Variants in ULK4 observed in about 807,000 individuals in gnomAD.
ULK4 encodes the protein inactive serine/threonine-protein kinase ULK4.
In ULK4, 133 loss-of-function variants were observed where a neutral mutation model predicts 160.6. That is an observed-to-expected ratio of 0.83 (90% CI 0.72 to 0.96). The LOEUF (loss-of-function observed/expected upper bound fraction) is 0.96. ULK4 is among the 40% of genes least tolerant of loss of function. The pLI is 0.00. For synonymous variants in ULK4, 534 were observed against 539.8 expected, an observed-to-expected ratio of 0.99 and a Z score of 0.15; for missense variants, 1,580 against 1,499.5, an observed-to-expected ratio of 1.05 and a Z score of -0.89.
chr3:41,586,003 A>C (rs551450944), intron 31 of ULK4, among the ~76,000 whole-genome samples: 153 of 152,300 alleles, frequency 1.0e-3, no homozygotes, highest in Non-Finnish European at 1.9e-3. Context: ...AAAAAACACA[A>C]ATGGTGAGGA....
chr3:41,570,244 T>G (rs1228528222), intron 31 of ULK4, among the ~76,000 whole-genome samples: 1 of 152,222 alleles, frequency 6.6e-6, no homozygotes, highest in Non-Finnish European at 1.5e-5. Context: ...TTCCAAATAC[T>G]GATGTCTAAA....
At chr3:41,870,603 T>C (rs2125692564) in intron 17 of ULK4, among the ~76,000 whole-genome samples, 1 of 152,360 alleles carries the variant, frequency 6.6e-6, no homozygotes, top group East Asian at 1.9e-4. Context: ...TTTCCCATAA[T>C]GGTAACATCT....
intron 17 of ULK4, among the ~76,000 whole-genome samples, chr3:41,865,365 A>C (rs1046779189): frequency 6.7e-6 from 1 of 148,540 alleles, no homozygotes; most frequent in Non-Finnish European, 1.5e-5. Flanking sequence ...CAATCACCCC[A>C]ATCTGGCTCC....
chr3:41,437,243 A>G (rs939573355), intron 34 of ULK4, among the ~76,000 whole-genome samples: 1 of 152,196 alleles, frequency 6.6e-6, no homozygotes, highest in African/African-American at 2.4e-5. Flanking sequence ...TCTTACTATA[A>G]TGGCCCTTGG....
chr3:41,717,712 TGA>T lies in ULK4; in HGVS notation c.2455+14_2455+15del. 6.2e-7 allele frequency: 1 copy of T among 1,603,256 alleles called. No individual in the cohort carries two copies. Among genetic ancestry groups the T allele is most frequent in the Non-Finnish European group, 8.5e-7 (1 of 1,171,764 alleles). ...TAAAAGCAGAAATGGGGCCTGAGGA[TGA>T]GACTCCAATTTACCCAGGATTCGTG... On this transcript the variant is annotated intron_variant, in intron 23 of 36. Transcript: ENST00000301831.
At chr3:41,902,575 CAAAAAAAAAAAAGA>C (rs1698411960) in intron 12 of ULK4, among the ~76,000 whole-genome samples, 1 of 53,240 alleles carries the variant, frequency 1.9e-5, no homozygotes, top group African/African-American at 7.2e-5. Flanking sequence ...GAGACTCCAC[CAAAAAAAAAAAAGA>C]AAAAAAAAAA....
At chr3:41,468,898 A>G (rs1176341855) in intron 32 of ULK4, among the ~76,000 whole-genome samples, 5 of 152,216 alleles carry the variant, frequency 3.3e-5, no homozygotes, top group Non-Finnish European at 7.4e-5. Context: ...AGAAACAAAG[A>G]AAGGAGGTGT....
chr3:41,742,663 T>C (rs2038281735), intron 22 of ULK4, among the ~76,000 whole-genome samples: 1 of 151,934 alleles, frequency 6.6e-6, no homozygotes, highest in African/African-American at 2.4e-5. Context: ...GATGTGAGAA[T>C]GATCTAACAA....
chr3:41,760,196 CATT>C (rs1222619805), intron 21 of ULK4, among the ~76,000 whole-genome samples: 1 of 152,032 alleles, frequency 6.6e-6, no homozygotes, highest in African/African-American at 2.4e-5. Context: ...ATATCATAAT[CATT>C]ATAGTAGTGC....
chr3:41,928,412 T>C (rs1290224896), intron 5 of ULK4, among the ~76,000 whole-genome samples: 3 of 151,972 alleles, frequency 2.0e-5, no homozygotes, highest in Non-Finnish European at 4.4e-5. Flanking sequence ...AGATCTAAAA[T>C]TGACACCCTA....
chr3:41,402,266 G>A (rs750585712), intron 34 of ULK4, among the ~76,000 whole-genome samples: 14 of 152,094 alleles, frequency 9.2e-5, no homozygotes, highest in South Asian at 2.1e-4. Flanking sequence ...AAGATTCTTC[G>A]GCATTTTCTA....
At chr3:41,341,194 CCAT>C in intron 35 of ULK4, among the ~76,000 whole-genome samples, 1 of 152,140 alleles carries the variant, frequency 6.6e-6, no homozygotes, top group East Asian at 1.9e-4. Context: ...TGCAGCTATA[CCAT>C]CAAGATGTTA....
chr3:41,779,700 T>C (rs1489269201), intron 21 of ULK4, among the ~76,000 whole-genome samples: 1 of 40,300 alleles, frequency 2.5e-5, no homozygotes. Context: ...ATGGATGAAA[T>C]TGGAAACCAT....
At chr3:41,498,248 G>T (rs1336673841) in intron 32 of ULK4, among the ~76,000 whole-genome samples, 1 of 152,132 alleles carries the variant, frequency 6.6e-6, no homozygotes, top group Non-Finnish European at 1.5e-5. Context: ...TAACAATAAA[G>T]TATCTAGAAA....
chr3:41,715,237 A>G lies in ULK4; in HGVS notation c.2634T>C (p.Leu878=). 1 of 1,612,062 alleles carries G rather than the reference A, an allele frequency of 6.2e-7. No individual in the cohort carries two copies. Residue 878 remains leucine (L), a splice_region_variant and synonymous_variant, in exon 25 of 37, where the codon CTT becomes CTC. Coordinates refer to ENST00000301831, the MANE Select transcript of ULK4 (RefSeq NM_017886.4). The part of the protein sequence containing the change: ...EEFLFSYGTI[L]SHIKSVDSGE... Reference sequence around the variant, plus strand: ...ACAAGGAAAATTTCGTGTTACTCACAAGAATAGTTCCATAGCTGAAAAGAA... The same window carrying G: ...ACAAGGAAAATTTCGTGTTACTCACGAGAATAGTTCCATAGCTGAAAAGAA...
At chr3:41,550,357 T>C (rs1308290252) in intron 32 of ULK4, among the ~76,000 whole-genome samples, 3 of 152,044 alleles carry the variant, frequency 2.0e-5, no homozygotes, top group Non-Finnish European at 4.4e-5. Context: ...GCTGAGTGAA[T>C]TTTAAAAACC....
intron 32 of ULK4, among the ~76,000 whole-genome samples, chr3:41,511,345 A>G (rs2085570528): frequency 6.6e-6 from 1 of 152,126 alleles, no homozygotes; most frequent in Non-Finnish European, 1.5e-5. Context: ...GAAATGAAAC[A>G]AAAAGCTGGT....
chr3:41,672,279 C>T (rs1000906798), intron 29 of ULK4, among the ~76,000 whole-genome samples: 7 of 152,126 alleles, frequency 4.6e-5, no homozygotes, highest in Non-Finnish European at 7.4e-5. Flanking sequence ...ATGTTTCTTG[C>T]AGTGCTATTC....
In ULK4 at chr3:41,737,533, C is replaced by A. The variant is rs567776361; in HGVS notation, c.2321+16828G>T. ...AAACGACTTTCAAGTTCATATGGAA[C>A]CAAAAAAGAGCCCGCATTGCCAAGT... On this transcript the variant is annotated intron_variant, in intron 22 of 36. Transcript: ENST00000301831. Among the ~76,000 whole-genome samples the A allele has an allele frequency of 3.9e-4, 60 of 151,954 alleles. 1 individual carries two copies. The Middle Eastern group carries it at 0.01, about 26-fold the overall frequency.
Sources: gnomAD v4.1 joint callset for allele counts (sites outside exome capture counted in the v4.1 genomes callset) on GRCh38, gnomAD v4.1.1 for gene constraint, MANE v1.5 for transcripts, NCBI Gene and HGNC (gene_info 2026-07-23, HGNC 2026-07-21) for gene names.